The following SLC35F4 variants were observed in gnomAD, a reference collection of about 807,000 sequenced individuals.
SLC35F4 encodes the protein chromosome 14 open reading frame 36.
A neutral mutation model predicts 44.2 loss-of-function variants in SLC35F4; 24 were observed. That is an observed-to-expected ratio of 0.54 (90% confidence interval 0.39 to 0.76). The LOEUF (loss-of-function observed/expected upper bound fraction) is 0.76. Among genes scored for constraint, SLC35F4 ranks in the 30% least tolerant of loss-of-function variants. The probability of loss-of-function intolerance (pLI) is 0.00; values close to 1 mark genes in which losing one functional copy is unlikely to be tolerated. For missense variants in SLC35F4, 562 were observed against 586.1 expected (o/e 0.96, Z 0.42); for synonymous variants, 238 against 223.6 (o/e 1.06, Z -0.57).
At position 57,858,258 on chromosome 14, in the gene SLC35F4, T is replaced by G. The variant is rs369149484; in HGVS notation, c.103+7465A>C. 2.0e-4 allele frequency among the ~76,000 whole-genome samples: 30 copies of G among 152,050 alleles called. No individual in the cohort carries two copies. In the East Asian group the frequency reaches 4.6e-3, roughly 24 times the overall value. ...ATGTTTATTGTGGCACTATTCACAA[T>G]AGCAAAGACTCGGAACCAACCCAAA... On this transcript the variant is annotated intron_variant, in intron 1 of 7. Transcript: ENST00000556826.
intron 1 of SLC35F4, among the ~76,000 whole-genome samples, chr14:57,949,208 T>C (rs1032732536): frequency 6.6e-6 from 1 of 152,300 alleles, no homozygotes; most frequent in African/African-American, 2.4e-5. Flanking sequence ...TTTAGTAGCT[T>C]CAGTGTTAGG....
downstream of SLC35F4, among the ~76,000 whole-genome samples, chr14:57,972,544 GA>G (rs752865180): frequency 8.9e-4 from 127 of 143,278 alleles, no homozygotes; most frequent in Middle Eastern, 3.6e-3. Context: ...TGCTGAAGTG[GA>G]AAAAAAAAAA....
chr14:57,618,418 C>A (rs1222181425), intron 1 of SLC35F4, among the ~76,000 whole-genome samples: 2 of 152,106 alleles, frequency 1.3e-5, no homozygotes, highest in African/African-American at 4.8e-5. Context: ...GTTGCCTCAC[C>A]CAAGAAGCAG....
chr14:57,820,125 A>T (rs1450257488), intron 1 of SLC35F4, among the ~76,000 whole-genome samples: 5 of 152,218 alleles, frequency 3.3e-5, no homozygotes, highest in Admixed American at 3.3e-4. Flanking sequence ...AATCAGTTTT[A>T]GGTATTAAAA....
chr14:57,649,742 C>G (rs983025263), intron 1 of SLC35F4, among the ~76,000 whole-genome samples: 1 of 151,962 alleles, frequency 6.6e-6, no homozygotes, highest in Non-Finnish European at 1.5e-5. Context: ...GTAATGTTGG[C>G]GAAATGAATG....
intron 1 of SLC35F4, chr14:57,977,087 G>C (rs961946430): frequency 4.6e-5 from 7 of 152,160 alleles, no homozygotes; most frequent in African/African-American, 1.7e-4. Context: ...AGAGTGATCT[G>C]GGATATGCTG....
chr14:57,926,992 C>A (rs1889587258), intron 1 of SLC35F4, among the ~76,000 whole-genome samples: 1 of 152,148 alleles, frequency 6.6e-6, no homozygotes, highest in Admixed American at 6.5e-5. Context: ...AGAAGCACAG[C>A]CAAGTGACCA....
intron 1 of SLC35F4, among the ~76,000 whole-genome samples, chr14:57,871,922 G>C (rs867668667): frequency 6.6e-6 from 1 of 152,250 alleles, no homozygotes; most frequent in South Asian, 2.1e-4. Flanking sequence ...TAATTTTCAA[G>C]TTCTATTCTC....
chr14:57,748,651 A>G (rs1327330933), intron 1 of SLC35F4, among the ~76,000 whole-genome samples: 1 of 152,204 alleles, frequency 6.6e-6, no homozygotes, highest in African/African-American at 2.4e-5. Flanking sequence ...CATTCTGTCT[A>G]GAGTGTATAT....
chr14:57,877,325 A>G (rs945446322), intron 1 of SLC35F4, among the ~76,000 whole-genome samples: 1 of 152,060 alleles, frequency 6.6e-6, no homozygotes, highest in Admixed American at 6.5e-5. Context: ...GTTGCAAAAG[A>G]CATAATCTTG....
intron 1 of SLC35F4, among the ~76,000 whole-genome samples, chr14:57,934,003 T>C (rs1889750549): frequency 6.6e-6 from 1 of 152,208 alleles, no homozygotes; most frequent in African/African-American, 2.4e-5. Flanking sequence ...TTTATATCAA[T>C]TTTTATTTCT....
intron 1 of SLC35F4, among the ~76,000 whole-genome samples, chr14:57,952,308 A>T (rs1267110805): frequency 6.6e-6 from 1 of 152,222 alleles, no homozygotes; most frequent in Non-Finnish European, 1.5e-5. Context: ...GACCAAAGGT[A>T]GATAAATCCA....
At chr14:57,567,866 A>C (rs2139673877) in intron 6 of SLC35F4, among the ~76,000 whole-genome samples, 1 of 152,336 alleles carries the variant, frequency 6.6e-6, no homozygotes, top group Middle Eastern at 3.4e-3. Context: ...ATTTCCTGAA[A>C]GATAGGTCAA....
intron 1 of SLC35F4, among the ~76,000 whole-genome samples, chr14:57,850,655 G>A (rs1886476530): frequency 6.6e-6 from 1 of 152,110 alleles, no homozygotes; most frequent in Non-Finnish European, 1.5e-5. Flanking sequence ...CCATTATAAT[G>A]CAGCTGGAAA....
chr14:57,661,336 T>C (rs2074130673), intron 1 of SLC35F4, among the ~76,000 whole-genome samples: 1 of 152,164 alleles, frequency 6.6e-6, no homozygotes, highest in South Asian at 2.1e-4. Flanking sequence ...TCATTACTGT[T>C]TGTGAGGCAC....
chr14:57,614,609 A>C (rs963878033), intron 1 of SLC35F4, among the ~76,000 whole-genome samples: 1 of 152,258 alleles, frequency 6.6e-6, no homozygotes, highest in African/African-American at 2.4e-5. Context: ...GGAAGTAAAA[A>C]GACTTAAAAG....
intron 1 of SLC35F4, among the ~76,000 whole-genome samples, chr14:57,980,533 C>T (rs886578680): frequency 1.3e-5 from 2 of 152,088 alleles, no homozygotes; most frequent in Non-Finnish European, 2.9e-5. Flanking sequence ...GCAGAAAGAA[C>T]CTGAGCTGAT....
chr14:57,596,267 CT>C (rs2070480881), intron 1 of SLC35F4: 2 of 162,018 alleles, frequency 1.2e-5, no homozygotes, highest in African/African-American at 4.8e-5. Context: ...GCATTATATA[CT>C]GACTGCTACA....
intron 1 of SLC35F4, among the ~76,000 whole-genome samples, chr14:57,656,755 T>TCTGTGC (rs1295958365): frequency 6.6e-6 from 1 of 152,172 alleles, no homozygotes; most frequent in African/African-American, 2.4e-5. Flanking sequence ...ACTTTCTATG[T>TCTGTGC]CTGTGCCTCT....
Sources: gnomAD v4.1 joint callset for allele counts (sites outside exome capture counted in the v4.1 genomes callset) on GRCh38, gnomAD v4.1.1 for gene constraint, MANE v1.5 for transcripts, NCBI Gene and HGNC (gene_info 2026-07-23, HGNC 2026-07-21) for gene names.